DIAPH2: variants seen among roughly 807,000 people sequenced by gnomAD.
DIAPH2 encodes the protein diaphanous related formin 2.
In DIAPH2, 35 loss-of-function variants were observed where a neutral mutation model predicts 92.7. That is an observed-to-expected ratio of 0.38 (90% CI 0.29 to 0.50). DIAPH2 has a LOEUF of 0.50. Among genes scored for constraint, DIAPH2 ranks in the 20% least tolerant of loss-of-function variants. The pLI, the probability that DIAPH2 is intolerant of heterozygous loss-of-function variation, is 0.94. For synonymous variants in DIAPH2, 301 were observed against 280.4 expected (o/e 1.07, Z -0.73); for missense variants, 701 against 819.5 (o/e 0.86, Z 1.77).
At chrX:96,778,346 C>A (rs2064392021) in intron 4 of DIAPH2, among the ~76,000 whole-genome samples, 1 of 110,621 alleles carries the variant, frequency 9.0e-6, no homozygotes, top group South Asian at 3.9e-4. Context: ...TAGCCATAGA[C>A]CTTTCACCCA....
intron 23 of DIAPH2, among the ~76,000 whole-genome samples, chrX:97,340,656 T>C (rs5921790): frequency 0.023 from 2,480 of 108,310 alleles, 27 homozygotes; most frequent in Middle Eastern, 0.038. Flanking sequence ...ATTGTTTTTT[T>C]TGTTTTTTTT....
intron 23 of DIAPH2, among the ~76,000 whole-genome samples, chrX:97,317,339 A>G (rs766390584): frequency 2.7e-5 from 3 of 111,904 alleles, no homozygotes; most frequent in Non-Finnish European, 5.6e-5. Context: ...GCATTATTCT[A>G]ACGGTGCAAG....
intron 4 of DIAPH2, among the ~76,000 whole-genome samples, chrX:96,799,793 G>A (rs1417805960): frequency 1.8e-5 from 2 of 110,266 alleles, no homozygotes; most frequent in African/African-American, 6.6e-5. Context: ...GGGTGACAGA[G>A]TGAGACTCCA....
chrX:97,394,655 G>A (rs2069688494), intron 25 of DIAPH2, among the ~76,000 whole-genome samples: 1 of 111,458 alleles, frequency 9.0e-6, no homozygotes, highest in Non-Finnish European at 1.9e-5. Flanking sequence ...ATATCTTTAG[G>A]TCCATGTTAA....
chrX:97,137,265 T>TTATATATATATATATA (rs748631722), intron 21 of DIAPH2, among the ~76,000 whole-genome samples: 1 of 30,082 alleles, frequency 3.3e-5, no homozygotes, highest in Non-Finnish European at 5.3e-5. Context: ...ATAAACGCAG[T>TTATATATATATATATA]TATACATATA....
chrX:97,275,525 G>C (rs2068439089), intron 23 of DIAPH2, among the ~76,000 whole-genome samples: 1 of 107,014 alleles, frequency 9.3e-6, no homozygotes, highest in Non-Finnish European at 2.0e-5. Context: ...CTCAGACGGG[G>C]CGGCTGCCGG....
intron 23 of DIAPH2, among the ~76,000 whole-genome samples, chrX:97,259,008 T>A (rs1466345690): frequency 1.8e-5 from 2 of 111,301 alleles, no homozygotes; most frequent in Non-Finnish European, 3.8e-5. Flanking sequence ...AAACCTCTAC[T>A]GATATCTGCC....
intron 22 of DIAPH2, among the ~76,000 whole-genome samples, chrX:97,181,701 C>T (rs1277323100): frequency 3.6e-5 from 4 of 112,637 alleles, no homozygotes; most frequent in Non-Finnish European, 5.6e-5. Flanking sequence ...TGAGCCACCA[C>T]GCCCGGCCTA....
At chrX:97,126,490 T>C (rs2067095409) in intron 21 of DIAPH2, among the ~76,000 whole-genome samples, 2 of 112,187 alleles carry the variant, frequency 1.8e-5, no homozygotes, top group Admixed American at 9.5e-5. Context: ...TATTGAGCCT[T>C]TACCCTCTGT....
At chrX:97,044,362 T>C (rs2066466825) in intron 17 of DIAPH2, among the ~76,000 whole-genome samples, 2 of 111,116 alleles carry the variant, frequency 1.8e-5, no homozygotes, top group South Asian at 7.6e-4. Flanking sequence ...TCAACTTCTT[T>C]CATGCCTCAC....
In DIAPH2 at chrX:97,222,551, G is replaced by C. The variant is rs959231033; in HGVS notation, c.2720-25164G>C. Reference sequence around the variant, plus strand: ...AAAACATGATCCTGAATGACAAAATGTGTCTGACCAAAGTAGATTTACCCA... The same window carrying C: ...AAAACATGATCCTGAATGACAAAATCTGTCTGACCAAAGTAGATTTACCCA... On this transcript the variant is annotated intron_variant, in intron 22 of 26. Transcript: ENST00000324765. Among the ~76,000 whole-genome samples, 16 of 111,476 alleles carry C rather than the reference G, an allele frequency of 1.4e-4. 1 individual carries two copies. Among genetic ancestry groups the C allele is most frequent in the Non-Finnish European group, 3.0e-4 (16 of 53,121 alleles).
intron 1 of DIAPH2, among the ~76,000 whole-genome samples, chrX:96,713,422 C>T (rs1298213345): frequency 2.7e-5 from 3 of 110,875 alleles, no homozygotes; most frequent in Non-Finnish European, 5.7e-5. Context: ...CCCACACACC[C>T]ACAGGTTACC....
chrX:97,593,782 G>A (rs2071532897), intron 26 of DIAPH2, among the ~76,000 whole-genome samples: 1 of 111,324 alleles, frequency 9.0e-6, no homozygotes, highest in Non-Finnish European at 1.9e-5. Context: ...AACAAAAGCA[G>A]AAACCTAAGA....
chrX:97,165,525 G>A (rs183647254), intron 22 of DIAPH2, among the ~76,000 whole-genome samples: 26 of 110,891 alleles, frequency 2.3e-4, no homozygotes, highest in Admixed American at 6.7e-4. Flanking sequence ...ACAGAGTCTC[G>A]CTCTGTCACC....
At position 97,167,886 on chromosome X, in the gene DIAPH2, G is replaced by A. The variant is rs375546839; in HGVS notation, c.2719+26092G>A. Among the ~76,000 whole-genome samples, 6 of 110,434 alleles carry A rather than the reference G, an allele frequency of 5.4e-5. No homozygotes were observed. The East Asian group carries it at 8.6e-4, about 16-fold the overall frequency. On this transcript the variant is annotated intron_variant, in intron 22 of 26. Transcript: ENST00000324765. ...GTATTGGCCATTAAAAAGACTGTTA[G>A]GTCTTTTTCTGATCTTTCTTTTGGG...
intron 1 of DIAPH2, among the ~76,000 whole-genome samples, chrX:96,730,716 TAAAGG>T (rs2064048820): frequency 8.9e-6 from 1 of 111,797 alleles, no homozygotes; most frequent in Non-Finnish European, 1.9e-5. Flanking sequence ...GTAACCTCCT[TAAAGG>T]AAGACAGCAT....
chrX:96,991,118 C>CTT (rs778658714), intron 17 of DIAPH2, among the ~76,000 whole-genome samples: 77 of 102,021 alleles, frequency 7.5e-4, no homozygotes, highest in African/African-American at 2.3e-3. Flanking sequence ...ATTAGTCCCT[C>CTT]TTTTTTTTTT....
chrX:96,778,406 T>A (rs568869141), intron 4 of DIAPH2, among the ~76,000 whole-genome samples: 2 of 111,142 alleles, frequency 1.8e-5, no homozygotes, highest in Admixed American at 9.6e-5. Context: ...CATTCTCTTT[T>A]AAAATTTTTT....
chrX:96,870,873 A>G (rs953538698), intron 4 of DIAPH2, among the ~76,000 whole-genome samples: 1 of 112,082 alleles, frequency 8.9e-6, no homozygotes, highest in Non-Finnish European at 1.9e-5. Context: ...AGGCTGTAGG[A>G]TACATTTATA....
Sources: gnomAD v4.1 joint callset for allele counts (sites outside exome capture counted in the v4.1 genomes callset) on GRCh38, gnomAD v4.1.1 for gene constraint, MANE v1.5 for transcripts, NCBI Gene and HGNC (gene_info 2026-07-23, HGNC 2026-07-21) for gene names.